Variants in AMOTL1 observed in about 807,000 individuals in gnomAD.
The protein encoded by AMOTL1 is angiomotin-like protein 1.
Under a neutral mutation model 102.9 loss-of-function variants are expected in AMOTL1, and 45 were observed. The observed-to-expected ratio is 0.44, with a 90% CI of 0.34 to 0.56. AMOTL1 has a LOEUF of 0.56. Ranked by LOEUF, AMOTL1 falls within the 20% of genes least tolerant of loss-of-function variation. The pLI, the probability that AMOTL1 is intolerant of heterozygous loss-of-function variation, is 0.01. For synonymous variants in AMOTL1, 481 were observed against 484.7 expected (o/e 0.99, Z 0.10); for missense variants, 1,114 against 1,225.6 (o/e 0.91, Z 1.36).
At position 94,817,242 on chromosome 11, in the gene AMOTL1, TCA is replaced by T. The variant is rs1257940040; in HGVS notation, c.1122-4287_1122-4286del. ...TTTTTTTTTGGAAATCGTTGAGTTA[TCA>T]TTTGGGCTAAATGATTGACTTATTT... On this transcript the variant is annotated intron_variant, in intron 3 of 12. Transcript: ENST00000433060. 1.3e-4 allele frequency among the ~76,000 whole-genome samples: 20 copies of T among 152,264 alleles called. 1 individual carries two copies. Among genetic ancestry groups the T allele is most frequent in the African/African-American group, 4.6e-4 (19 of 41,580 alleles).
intron 9 of AMOTL1, among the ~76,000 whole-genome samples, chr11:94,861,428 T>G (rs907487382): frequency 6.6e-6 from 1 of 152,198 alleles, no homozygotes; most frequent in Non-Finnish European, 1.5e-5. Flanking sequence ...GGACCTGGTC[T>G]TCTTGGACAT....
chr11:94,821,682 C>T lies in AMOTL1; in HGVS notation c.1274C>T (p.Ser425Phe), dbSNP rs1592000746. ...GCTCCACAGCCCCCGCCTGCCGCCTCCCCCAGCCAGCAGCTTGGTCCAGAT... is the reference window on the plus strand; with the variant it reads ...GCTCCACAGCCCCCGCCTGCCGCCTTCCCCAGCCAGCAGCTTGGTCCAGAT... ...LGAPQPPPAA[S>F]PSQQLGPDAF... Residue 425 changes from serine (S) to phenylalanine (F), a missense_variant, in exon 4 of 13, where the codon TCC becomes TTC. Ser to Phe is a radical substitution (Grantham distance 155). Transcript: ENST00000433060. 1.9e-6 allele frequency: 3 copies of T among 1,614,016 alleles called. No homozygotes were observed. The highest frequency in any genetic ancestry group is 2.5e-6 in the Non-Finnish European group (3 of 1,179,904).
intron 7 of AMOTL1, among the ~76,000 whole-genome samples, chr11:94,852,767 AG>A (rs1381233733): frequency 6.6e-6 from 1 of 152,218 alleles, no homozygotes; most frequent in East Asian, 1.9e-4. Context: ...CTATCTATAA[AG>A]GACTCTGAAA....
In AMOTL1 at chr11:94,850,168, G is replaced by A. The variant is rs373454469; in HGVS notation, c.1703G>A (p.Arg568Gln). Residue 568 changes from arginine (R) to glutamine (Q), a missense_variant, in exon 7 of 13, where the codon CGG becomes CAG. Transcript: ENST00000433060. ...EKLEMELAAV[R>Q]TASEDHRRHI... ...TTAGAAATGGAGTTAGCAGCAGTGCGGACTGCAAGTGAGGACCATCGGAGA... is the reference window on the plus strand; with the variant it reads ...TTAGAAATGGAGTTAGCAGCAGTGCAGACTGCAAGTGAGGACCATCGGAGA... 127 of 1,590,288 alleles carry A rather than the reference G, an allele frequency of 8.0e-5. No individual in the cohort carries two copies. The highest frequency in any genetic ancestry group is 9.6e-5 in the Non-Finnish European group (112 of 1,168,096).
In AMOTL1 at chr11:94,789,220, G is replaced by A. The variant is rs761464924; in HGVS notation, c.50-5791G>A. ...GTCACCCAGGCTGGAGTGCAGTGGC[G>A]CAGTCTTGGCTCACTGCAACCTTTG... On this transcript the variant is annotated intron_variant, in intron 1 of 12. Transcript: ENST00000433060. Among the ~76,000 whole-genome samples the A allele has an allele frequency of 5.3e-5, 8 of 152,092 alleles. No homozygotes were observed. In the South Asian group the frequency reaches 6.2e-4, roughly 12 times the overall value.
intron 10 of AMOTL1, 46 bp downstream of exon 10, chr11:94,864,906 C>T (rs1292645023): frequency 2.5e-6 from 4 of 1,590,234 alleles, no homozygotes; most frequent in South Asian, 1.2e-5. Flanking sequence ...TGCATTCACA[C>T]TCCAGGCCTT....
At chr11:94,851,252 A>G (rs1186816729) in intron 7 of AMOTL1, among the ~76,000 whole-genome samples, 1 of 152,238 alleles carries the variant, frequency 6.6e-6, no homozygotes, top group Non-Finnish European at 1.5e-5. Context: ...GGGGCTTCTC[A>G]TTATTGTCAT....
intron 7 of AMOTL1, among the ~76,000 whole-genome samples, chr11:94,852,607 A>G (rs1452372496): frequency 1.3e-5 from 2 of 152,256 alleles, no homozygotes; most frequent in African/African-American, 2.4e-5. Context: ...AAAGTGTGAG[A>G]GTAAGAGTTG....
At chr11:94,857,872 T>TG (rs1952699900) in intron 8 of AMOTL1, among the ~76,000 whole-genome samples, 1 of 152,106 alleles carries the variant, frequency 6.6e-6, no homozygotes, top group Admixed American at 6.5e-5. Context: ...GATGGCTGAA[T>TG]GGGCGGCAGT....
chr11:94,724,820 G>A (rs898104761), intron 1 of AMOTL1, among the ~76,000 whole-genome samples: 2 of 152,088 alleles, frequency 1.3e-5, no homozygotes, highest in African/African-American at 4.8e-5. Context: ...GATTTACAGT[G>A]TAAGTTACCA....
At position 94,866,020 on chromosome 11, in the gene AMOTL1, C is replaced by T. The variant is rs373832536; in HGVS notation, c.2340C>T (p.Ala780=). The T allele has an allele frequency of 4.0e-5, 65 of 1,613,874 alleles. No homozygotes were observed. The African/African-American group carries it at 5.9e-4, about 15-fold the overall frequency. Residue 780 remains alanine, a synonymous_variant, in exon 11 of 13, where the codon GCC becomes GCT. Transcript: ENST00000433060. The part of the protein sequence containing the change: ...KVLQQRSRKD[A]GKTDSSSLRP... ...TGCAGCAGCGATCTCGTAAAGATGC[C>T]GGGAAGACAGACTCCTCCAGCCTAC...
intron 1 of AMOTL1, among the ~76,000 whole-genome samples, chr11:94,725,855 G>A (rs1042477047): frequency 3.3e-5 from 5 of 152,100 alleles, no homozygotes; most frequent in African/African-American, 4.8e-5. Flanking sequence ...CTTTCTCCTG[G>A]GAACAATGAG....
chr11:94,771,973 C>A (rs1459470942), intron 1 of AMOTL1, among the ~76,000 whole-genome samples: 1 of 152,284 alleles, frequency 6.6e-6, no homozygotes, highest in East Asian at 1.9e-4. Context: ...GCCAATATTG[C>A]AGCTATATAC....
chr11:94,718,100 T>G (rs1950122582), intron 1 of AMOTL1, among the ~76,000 whole-genome samples: 1 of 152,008 alleles, frequency 6.6e-6, no homozygotes, highest in Non-Finnish European at 1.5e-5. Flanking sequence ...CCTAGAAGTA[T>G]CTCTATTAAA....
intron 2 of AMOTL1, among the ~76,000 whole-genome samples, chr11:94,738,224 G>A (rs1950462788): frequency 6.6e-6 from 1 of 150,944 alleles, no homozygotes; most frequent in Non-Finnish European, 1.5e-5. Context: ...TAGTGGACAT[G>A]AATCGAAAAT....
intron 2 of AMOTL1, chr11:94,740,378 G>A (rs2135475480): frequency 6.6e-6 from 1 of 152,342 alleles, no homozygotes; most frequent in South Asian, 2.1e-4. Context: ...AACGGGGCGG[G>A]GACTAGGGAG....
chr11:94,838,498 A>G (rs887652298), intron 6 of AMOTL1, among the ~76,000 whole-genome samples: 6 of 152,204 alleles, frequency 3.9e-5, no homozygotes, highest in African/African-American at 1.4e-4. Context: ...ACCATAGATG[A>G]TCCATAAACA....
At chr11:94,870,325 C>T (rs1462482358) in intron 12 of AMOTL1, among the ~76,000 whole-genome samples, 2 of 152,198 alleles carry the variant, frequency 1.3e-5, no homozygotes, top group Non-Finnish European at 2.9e-5. Context: ...CAAGTAAATA[C>T]AATGTTGTCA....
At chr11:94,826,364 A>C (rs2135645203) in intron 4 of AMOTL1, among the ~76,000 whole-genome samples, 1 of 152,294 alleles carries the variant, frequency 6.6e-6, no homozygotes, top group East Asian at 1.9e-4. Context: ...CTGTAATCAT[A>C]CTTTTTTATT....
Sources: gnomAD v4.1 joint callset for allele counts (sites outside exome capture counted in the v4.1 genomes callset) on GRCh38, gnomAD v4.1.1 for gene constraint, MANE v1.5 for transcripts, NCBI Gene and HGNC (gene_info 2026-07-23, HGNC 2026-07-21) for gene names.